TASP1: variants seen among roughly 807,000 people sequenced by gnomAD.
TASP1 encodes threonine aspartase 1.
Under a neutral mutation model 56.6 loss-of-function variants are expected in TASP1, and 16 were observed. The observed-to-expected ratio is 0.28, with a 90% CI of 0.19 to 0.43. The LOEUF (loss-of-function observed/expected upper bound fraction) is 0.43, where lower values mean the gene tolerates loss of function less well. Ranked by LOEUF, TASP1 falls within the 20% of genes least tolerant of loss-of-function variation. TASP1 has a pLI of 1.00. For missense variants in TASP1, 393 were observed against 511.6 expected, an observed-to-expected ratio of 0.77 and a Z score of 2.24; for synonymous variants, 179 against 184.2, an observed-to-expected ratio of 0.97 and a Z score of 0.23.
chr20:13,110,101 A>G, the TASP1 span: 2 of 1,573,566 alleles, frequency 1.3e-6, no homozygotes, highest in East Asian at 4.5e-5. Flanking sequence ...TTTTTTTGGT[A>G]TTATTTAAAG....
At chr20:13,370,577 T>A in the TASP1 span, among the ~76,000 whole-genome samples, 4 of 152,162 alleles carry the variant, frequency 2.6e-5, no homozygotes, top group African/African-American at 4.8e-5. Flanking sequence ...TAAAATGACA[T>A]TTATAATGTA....
At chr20:13,304,916 A>C in the TASP1 span, among the ~76,000 whole-genome samples, 1 of 152,148 alleles carries the variant, frequency 6.6e-6, no homozygotes, top group East Asian at 1.9e-4. Context: ...ATCTTCTACC[A>C]AATAAGCAGC....
At chr20:13,259,627 A>G in the TASP1 span, among the ~76,000 whole-genome samples, 1 of 152,248 alleles carries the variant, frequency 6.6e-6, no homozygotes, top group African/African-American at 2.4e-5. Context: ...TGTAAACATA[A>G]ATAAGACTGA....
the TASP1 span, among the ~76,000 whole-genome samples, chr20:13,293,154 C>T: frequency 4.7e-5 from 7 of 150,176 alleles, no homozygotes; most frequent in South Asian, 2.1e-4. Flanking sequence ...GAGCTGAGAT[C>T]GCGCCACTGC....
intron 5 of TASP1, among the ~76,000 whole-genome samples, chr20:13,583,996 T>C (rs1452828450): frequency 6.6e-6 from 1 of 152,130 alleles, no homozygotes; most frequent in Non-Finnish European, 1.5e-5. Context: ...GGAGAATCAC[T>C]TGAACCCAAG....
chr20:13,345,694 G>A, the TASP1 span, among the ~76,000 whole-genome samples: 1 of 151,724 alleles, frequency 6.6e-6, no homozygotes, highest in Non-Finnish European at 1.5e-5. Context: ...CCCTGGCACT[G>A]GAATCAGAGT....
chr20:13,343,658 G>A, the TASP1 span, among the ~76,000 whole-genome samples: 39,744 of 143,068 alleles, frequency 0.28, 5,498 homozygotes, highest in Admixed American at 0.35. Flanking sequence ...TGGCCCACCC[G>A]TGTCCTGTGA....
the TASP1 span, among the ~76,000 whole-genome samples, chr20:13,248,675 A>T: frequency 6.6e-6 from 1 of 152,176 alleles, no homozygotes; most frequent in South Asian, 2.1e-4. Context: ...CGTCTCCTTC[A>T]TCCAAAACCC....
At chr20:13,453,986 G>A (rs1237388053) in intron 11 of TASP1, among the ~76,000 whole-genome samples, 1 of 151,734 alleles carries the variant, frequency 6.6e-6, no homozygotes, top group Non-Finnish European at 1.5e-5. Context: ...ATGAAGGTTG[G>A]AAAGAAGGAT....
At chr20:13,314,298 C>T in the TASP1 span, among the ~76,000 whole-genome samples, 8 of 151,350 alleles carry the variant, frequency 5.3e-5, no homozygotes, top group African/African-American at 1.9e-4. Context: ...TGGGATAATG[C>T]CAAAAAGAAA....
At chr20:13,215,035 C>T in the TASP1 span, among the ~76,000 whole-genome samples, 6 of 152,084 alleles carry the variant, frequency 3.9e-5, no homozygotes, top group Admixed American at 2.6e-4. Flanking sequence ...GTTTCTTGAT[C>T]GGAGTAGCAA....
chr20:13,389,731 G>T lies in TASP1; in HGVS notation c.*629C>A, dbSNP rs1414208813. 3 of 152,714 alleles carry T rather than the reference G, an allele frequency of 2.0e-5. No homozygotes were observed. The East Asian group carries it at 5.8e-4, about 29-fold the overall frequency. The allele number at this position is 152,714 out of a possible 1,614,324, so 9.5% of individuals were successfully genotyped here. A position where few individuals can be genotyped will look rare whatever the true frequency, so the allele number is the denominator to read the frequency against. The stretch of plus-strand genomic sequence containing the variant: ...TATCAATCAGACTATTATTTAAAAA[G>T]GTTCTGACATTAATTCTCTGCTAGA... On this transcript the variant is annotated 3_prime_UTR_variant, in exon 14 of 14. Transcript: ENST00000337743.
the TASP1 span, among the ~76,000 whole-genome samples, chr20:13,376,019 G>A: frequency 6.6e-6 from 1 of 152,126 alleles, no homozygotes; most frequent in South Asian, 2.1e-4. Context: ...CTCCCATTCT[G>A]TAGGTTGCCT....
At chr20:13,423,304 C>T (rs1233486447) in intron 12 of TASP1, among the ~76,000 whole-genome samples, 1 of 152,114 alleles carries the variant, frequency 6.6e-6, no homozygotes, top group Non-Finnish European at 1.5e-5. Context: ...AAAAACCCCA[C>T]ACATTGTCAT....
At chr20:13,632,051 C>CA (rs1467941110) in intron 1 of TASP1, among the ~76,000 whole-genome samples, 5 of 140,974 alleles carry the variant, frequency 3.5e-5, no homozygotes, top group South Asian at 2.3e-4. Flanking sequence ...GACTTCGTCT[C>CA]AAAAAAAAAA....
chr20:13,517,349 G>A (rs2044579489), intron 10 of TASP1, among the ~76,000 whole-genome samples: 1 of 151,970 alleles, frequency 6.6e-6, no homozygotes, highest in Non-Finnish European at 1.5e-5. Flanking sequence ...TTGCTGAGGA[G>A]CAAAATACAT....
the TASP1 span, among the ~76,000 whole-genome samples, chr20:13,282,621 T>C: frequency 6.6e-6 from 1 of 152,188 alleles, no homozygotes; most frequent in African/African-American, 2.4e-5. Flanking sequence ...GCCTGGGCCA[T>C]GGAGAAGCTC....
Position 13,568,918 on chromosome 20 carries a change from T to C in TASP1, c.568+589A>G, listed in dbSNP as rs191038693. On this transcript the variant is annotated intron_variant, in intron 7 of 13. Coordinates refer to ENST00000337743, the MANE Select transcript of TASP1 (RefSeq NM_017714.3). ...AGGGAACAAATTTAACATGTACTCATTTTAATTTGAATTTGCCTGTCAGTT... is the reference window on the plus strand; with the variant it reads ...AGGGAACAAATTTAACATGTACTCACTTTAATTTGAATTTGCCTGTCAGTT... 2.9e-3 allele frequency among the ~76,000 whole-genome samples: 439 copies of C among 152,306 alleles called. 5 individuals carry two copies. The highest frequency in any genetic ancestry group is 9.5e-3 in the Admixed American group (145 of 15,300).
chr20:13,603,637 C>T (rs1027876131), intron 4 of TASP1, among the ~76,000 whole-genome samples: 6 of 152,164 alleles, frequency 3.9e-5, no homozygotes, highest in African/African-American at 1.2e-4. Context: ...GACTTCTATC[C>T]AGAATTTATT....
Sources: allele counts gnomAD v4.1 joint callset (sites outside exome capture counted in the v4.1 genomes callset), GRCh38; gene constraint gnomAD v4.1.1; transcripts MANE v1.5; gene names NCBI Gene and HGNC (gene_info 2026-07-23, HGNC 2026-07-21).